The following DLGAP1 variants were observed in gnomAD, a reference collection of about 807,000 sequenced individuals.
DLGAP1 encodes DLG associated protein 1.
Under a neutral mutation model 90.8 loss-of-function variants are expected in DLGAP1, and 11 were observed. That is an observed-to-expected ratio of 0.12 (90% CI 0.08 to 0.20). DLGAP1 has a LOEUF of 0.20. Among genes scored for constraint, DLGAP1 ranks in the 10% least tolerant of loss-of-function variants. The pLI is 1.00. For missense variants in DLGAP1, 1,050 were observed against 1,333.8 expected, an observed-to-expected ratio of 0.79 and a Z score of 3.31; for synonymous variants, 558 against 540.7, an observed-to-expected ratio of 1.03 and a Z score of -0.44.
intron 3 of DLGAP1, among the ~76,000 whole-genome samples, chr18:3,888,797 G>T (rs1820525657): frequency 6.6e-6 from 1 of 152,168 alleles, no homozygotes; most frequent in Admixed American, 6.5e-5. Context: ...GATAATCCAG[G>T]CAGTAAACGA....
intron 2 of DLGAP1, among the ~76,000 whole-genome samples, chr18:4,107,108 A>C (rs1169076996): frequency 1.3e-5 from 2 of 152,246 alleles, no homozygotes; most frequent in African/African-American, 4.8e-5. Context: ...ATTTGTTTTA[A>C]AACTGCCTAG....
At chr18:4,226,513 G>T (rs1287986353) in intron 1 of DLGAP1, among the ~76,000 whole-genome samples, 1 of 151,832 alleles carries the variant, frequency 6.6e-6, no homozygotes, top group African/African-American at 2.4e-5. Context: ...GGTATAATAA[G>T]ATATAAATAG....
chr18:4,233,863 T>C (rs185047776), intron 1 of DLGAP1, among the ~76,000 whole-genome samples: 470 of 152,290 alleles, frequency 3.1e-3, no homozygotes, highest in African/African-American at 0.01. Context: ...TCCATTACCA[T>C]TTCTTTATTC....
At chr18:3,719,390 C>G (rs965000421) in intron 7 of DLGAP1, among the ~76,000 whole-genome samples, 1 of 151,158 alleles carries the variant, frequency 6.6e-6, no homozygotes, top group Non-Finnish European at 1.5e-5. Context: ...AACCCTGTCT[C>G]TACTAAAAAT....
chr18:4,078,561 A>G (rs781132435), intron 2 of DLGAP1, among the ~76,000 whole-genome samples: 1 of 152,214 alleles, frequency 6.6e-6, no homozygotes, highest in Non-Finnish European at 1.5e-5. Context: ...CACATCAGAC[A>G]AAATTAAATC....
At chr18:4,393,831 C>T (rs1268286628) in intron 1 of DLGAP1, among the ~76,000 whole-genome samples, 1 of 152,172 alleles carries the variant, frequency 6.6e-6, no homozygotes, top group African/African-American at 2.4e-5. Context: ...GCATTAGATT[C>T]TCATAAGAAG....
intron 2 of DLGAP1, among the ~76,000 whole-genome samples, chr18:4,100,093 A>G (rs2075756390): frequency 2.6e-5 from 4 of 152,174 alleles, no homozygotes; most frequent in Non-Finnish European, 5.9e-5. Flanking sequence ...TAGCATCTAG[A>G]ATAATTAATT....
chr18:3,507,531 C>T (rs566617874), intron 11 of DLGAP1, among the ~76,000 whole-genome samples: 2 of 151,954 alleles, frequency 1.3e-5, no homozygotes, highest in South Asian at 4.1e-4. Flanking sequence ...AAAACAAAAA[C>T]AAAAACAAAA....
chr18:4,102,417 T>A (rs2075794481), intron 2 of DLGAP1, among the ~76,000 whole-genome samples: 1 of 152,202 alleles, frequency 6.6e-6, no homozygotes, highest in Non-Finnish European at 1.5e-5. Context: ...CCAACTAGAC[T>A]GAACTCTGGG....
intron 7 of DLGAP1, among the ~76,000 whole-genome samples, chr18:3,684,436 G>T (rs2060630270): frequency 1.3e-5 from 2 of 150,682 alleles, no homozygotes; most frequent in Admixed American, 1.3e-4. Flanking sequence ...TTGAGCTCGG[G>T]TAATCCTCCT....
At chr18:3,973,662 A>AT (rs940319074) in intron 3 of DLGAP1, among the ~76,000 whole-genome samples, 6 of 151,938 alleles carry the variant, frequency 3.9e-5, no homozygotes, top group Non-Finnish European at 8.8e-5. Context: ...TTGCCTGCCA[A>AT]TTTTTTTCCC....
At chr18:3,985,944 T>G (rs1201747061) in intron 3 of DLGAP1, among the ~76,000 whole-genome samples, 2 of 152,208 alleles carry the variant, frequency 1.3e-5, no homozygotes, top group Non-Finnish European at 2.9e-5. Context: ...GATCTGCCTT[T>G]GACATGGGGA....
At chr18:4,314,612 G>A (rs2080480937) in intron 1 of DLGAP1, among the ~76,000 whole-genome samples, 2 of 152,124 alleles carry the variant, frequency 1.3e-5, no homozygotes, top group African/African-American at 2.4e-5. Flanking sequence ...TTATAAAAAC[G>A]GTAAGAACCA....
chr18:3,887,807 C>T (rs541519630), intron 3 of DLGAP1, among the ~76,000 whole-genome samples: 2 of 151,808 alleles, frequency 1.3e-5, no homozygotes, highest in Non-Finnish European at 2.9e-5. Context: ...GGCACTTTTG[C>T]GTAAAAGTAA....
intron 1 of DLGAP1, among the ~76,000 whole-genome samples, chr18:4,373,722 T>C (rs187080999): frequency 6.6e-5 from 10 of 152,302 alleles, no homozygotes; most frequent in African/African-American, 2.4e-4. Context: ...TTATTAGCCC[T>C]TATTTCTTTT....
intron 5 of DLGAP1, among the ~76,000 whole-genome samples, chr18:3,808,303 A>G (rs567106662): frequency 4.0e-5 from 6 of 151,794 alleles, no homozygotes; most frequent in South Asian, 4.2e-4. Context: ...AATAGAAGAA[A>G]GTATTATAGT....
chr18:4,221,189 CT>C (rs1287257066), intron 1 of DLGAP1, among the ~76,000 whole-genome samples: 2 of 152,092 alleles, frequency 1.3e-5, no homozygotes, highest in African/African-American at 4.8e-5. Context: ...TTTCGGGAAC[CT>C]CAAAATAGCA....
At chr18:4,391,373 G>A (rs540015671) in intron 1 of DLGAP1, among the ~76,000 whole-genome samples, 112 of 152,220 alleles carry the variant, frequency 7.4e-4, no homozygotes, top group Middle Eastern at 3.4e-3. Context: ...GACCCACGGT[G>A]GGGTTTCTTA....
Position 3,499,846 on chromosome 18 carries a change from A to G in DLGAP1, c.2725-452T>C, listed in dbSNP as rs1306814863. On this transcript the variant is annotated intron_variant, in intron 12 of 12. Transcript: ENST00000315677. This position sits in a 1 kb window ranked among gnomAD's most constrained non-coding sequence, Gnocchi z 6.4. ...CAAGCTTGGTTCAGAGCTTAAAAAC[A>G]TCTCCGCTCTGTCCCCGGCCCGCCC... 2.6e-5 allele frequency among the ~76,000 whole-genome samples: 4 copies of G among 152,134 alleles called. No individual in the cohort carries two copies. In the East Asian group the frequency reaches 7.7e-4, roughly 29 times the overall value.
Sources: allele counts gnomAD v4.1 joint callset (sites outside exome capture counted in the v4.1 genomes callset), GRCh38; gene constraint gnomAD v4.1.1; non-coding constraint Gnocchi (gnomAD v3.1); transcripts MANE v1.5; gene names NCBI Gene and HGNC (gene_info 2026-07-23, HGNC 2026-07-21).